Variants in GABRG3 observed in about 807,000 individuals in gnomAD.
GABRG3 encodes gamma-aminobutyric acid receptor subunit gamma-3.
A neutral mutation model predicts 48.8 loss-of-function variants in GABRG3; 25 were observed. The ratio of observed to expected loss-of-function variants is 0.51; its 90% CI spans 0.37 to 0.72. GABRG3 has a LOEUF of 0.72. GABRG3 is among the 30% of genes least tolerant of loss of function. The pLI is 0.00. For synonymous variants in GABRG3, 227 were observed against 217.6 expected, an observed-to-expected ratio of 1.04 and a Z score of -0.38; for missense variants, 394 against 577.9, an observed-to-expected ratio of 0.68 and a Z score of 3.26.
At chr15:27,209,891 C>T (rs906673009) in intron 3 of GABRG3, among the ~76,000 whole-genome samples, 34 of 152,218 alleles carry the variant, frequency 2.2e-4, no homozygotes, top group African/African-American at 7.5e-4. Flanking sequence ...GCTGTGTCCT[C>T]ACACGGTCTT....
intron 3 of GABRG3, among the ~76,000 whole-genome samples, chr15:27,237,738 C>T (rs1890018281): frequency 1.3e-5 from 2 of 152,314 alleles, no homozygotes; most frequent in South Asian, 4.1e-4. Flanking sequence ...CAACATAAAG[C>T]TTTGTTAGAA....
intron 3 of GABRG3, among the ~76,000 whole-genome samples, chr15:27,148,075 C>G (rs1011038157): frequency 1.3e-5 from 2 of 151,472 alleles, no homozygotes; most frequent in African/African-American, 4.8e-5. Context: ...CTACACTGAT[C>G]AAGAGAAAAA....
intron 3 of GABRG3, among the ~76,000 whole-genome samples, chr15:27,181,171 G>A (rs147866882): frequency 2.1e-4 from 32 of 152,248 alleles, no homozygotes; most frequent in Non-Finnish European, 4.4e-4. Context: ...GACTTTACAC[G>A]GGGAAGGACC....
At position 27,457,667 on chromosome 15, in the gene GABRG3, C is replaced by T. The variant is rs1257726212; in HGVS notation, c.575-22983C>T. Among the ~76,000 whole-genome samples, 2 of 152,192 alleles carry T rather than the reference C, an allele frequency of 1.3e-5. No homozygotes were observed. The highest frequency in any genetic ancestry group is 3.9e-4 in the East Asian group (2 of 5,180). On this transcript the variant is annotated intron_variant, in intron 5 of 9. Coordinates refer to ENST00000615808, the MANE Select transcript of GABRG3 (RefSeq NM_033223.5). This position sits in a 1 kb window ranked among gnomAD's most constrained non-coding sequence, Gnocchi z 4.4. ...GCTGCCTCCTTGGAGTCTGCAGCCT[C>T]ACATCAGCCTAGACGCCTGGTCCAG...
chr15:27,234,887 C>T (rs1309247198), intron 3 of GABRG3, among the ~76,000 whole-genome samples: 1 of 152,126 alleles, frequency 6.6e-6, no homozygotes, highest in African/African-American at 2.4e-5. Context: ...ACCTGGGCTC[C>T]TGCAGCAGCT....
At chr15:27,213,667 C>T (rs1889145258) in intron 3 of GABRG3, among the ~76,000 whole-genome samples, 1 of 152,136 alleles carries the variant, frequency 6.6e-6, no homozygotes, top group African/African-American at 2.4e-5. Context: ...CAGCGGCCTC[C>T]CATAAACTGT....
chr15:27,385,601 TTTACTGAATGATCA>T (rs1895898856), intron 5 of GABRG3, among the ~76,000 whole-genome samples: 1 of 152,190 alleles, frequency 6.6e-6, no homozygotes, highest in African/African-American at 2.4e-5. Context: ...GTGGATCATC[TTTACTGAATGATCA>T]TTAAGTTCAC....
chr15:27,234,226 A>G (rs182659555), intron 3 of GABRG3, among the ~76,000 whole-genome samples: 8 of 152,296 alleles, frequency 5.3e-5, no homozygotes, highest in South Asian at 2.1e-4. Context: ...GGAAATAAAA[A>G]CAAGCCTCCC....
At chr15:27,250,982 C>G (rs7180136) in intron 3 of GABRG3, among the ~76,000 whole-genome samples, 65,709 of 151,972 alleles carry the variant, frequency 0.43, 15,400 homozygotes, top group Non-Finnish European at 0.53. Flanking sequence ...TTACAAACTG[C>G]TCGCCATCAC....
At chr15:27,364,309 C>T (rs1895119335) in intron 5 of GABRG3, 1 of 152,476 alleles carries the variant, frequency 6.6e-6, no homozygotes, top group Non-Finnish European at 1.5e-5. Flanking sequence ...TGCTTACACA[C>T]TCTGTGCCTC....
chr15:27,369,908 C>G (rs1293536014), intron 5 of GABRG3, among the ~76,000 whole-genome samples: 1 of 151,560 alleles, frequency 6.6e-6, no homozygotes, highest in Non-Finnish European at 1.5e-5. Context: ...CTTTTCTCAC[C>G]TTGGGGAGGC....
At chr15:27,281,625 G>A (rs1424092287) in intron 3 of GABRG3, among the ~76,000 whole-genome samples, 1 of 151,378 alleles carries the variant, frequency 6.6e-6, no homozygotes, top group Non-Finnish European at 1.5e-5. Flanking sequence ...TTCGGACACT[G>A]TACTTTTCCT....
intron 3 of GABRG3, among the ~76,000 whole-genome samples, chr15:27,118,205 C>T (rs1293515851): frequency 6.6e-6 from 1 of 152,134 alleles, no homozygotes; most frequent in South Asian, 2.1e-4. Context: ...CCAGATGACT[C>T]TAATTTGTGG....
intron 3 of GABRG3, among the ~76,000 whole-genome samples, chr15:27,039,059 C>T (rs945619169): frequency 5.9e-5 from 9 of 152,140 alleles, no homozygotes; most frequent in East Asian, 3.9e-4. Flanking sequence ...ACAAGTACAA[C>T]GGGGACGAGT....
chr15:27,504,267 GT>G (rs1890711483), intron 6 of GABRG3, among the ~76,000 whole-genome samples: 1 of 150,666 alleles, frequency 6.6e-6, no homozygotes. Flanking sequence ...TCTACTTCTC[GT>G]CTATTTTTTG....
intron 5 of GABRG3, among the ~76,000 whole-genome samples, chr15:27,451,889 A>G (rs1423004138): frequency 6.6e-6 from 1 of 152,226 alleles, no homozygotes; most frequent in African/African-American, 2.4e-5. Context: ...TGGAGAAAAT[A>G]TAAGCATATC....
intron 5 of GABRG3, among the ~76,000 whole-genome samples, chr15:27,443,023 C>T (rs1055649283): frequency 5.3e-5 from 8 of 152,118 alleles, no homozygotes; most frequent in African/African-American, 1.7e-4. Context: ...TGCGGTCAGT[C>T]CCCCAAATCC....
chr15:27,300,514 A>G (rs1282815559), intron 3 of GABRG3, among the ~76,000 whole-genome samples: 2 of 151,966 alleles, frequency 1.3e-5, no homozygotes, highest in Non-Finnish European at 2.9e-5. Flanking sequence ...AAATACAAAA[A>G]TTAGTGCTGA....
At chr15:27,308,301 CATATAAACAT>C (rs1285904127) in intron 3 of GABRG3, among the ~76,000 whole-genome samples, 3 of 106,874 alleles carry the variant, frequency 2.8e-5, no homozygotes, top group South Asian at 2.8e-4. Flanking sequence ...ATATAAACAT[CATATAAACAT>C]ATATAAACAT....
Sources: allele counts gnomAD v4.1 joint callset (sites outside exome capture counted in the v4.1 genomes callset), GRCh38; gene constraint gnomAD v4.1.1; non-coding constraint Gnocchi (gnomAD v3.1); transcripts MANE v1.5; gene names NCBI Gene and HGNC (gene_info 2026-07-23, HGNC 2026-07-21).